The following TMPO variants were observed in gnomAD, a reference collection of about 807,000 sequenced individuals.
The protein encoded by TMPO is thymopoietin.
TMPO carries 22 observed loss-of-function variants against 45.4 expected under a neutral mutation model. The observed-to-expected ratio is 0.48, with a 90% CI of 0.35 to 0.69. TMPO has a LOEUF of 0.69. Ranked by LOEUF, TMPO falls within the 30% of genes least tolerant of loss-of-function variation. TMPO has a pLI of 0.01. For synonymous variants in TMPO, 241 were observed against 204.1 expected, an observed-to-expected ratio of 1.18 and a Z score of -1.54; for missense variants, 512 against 548.8, an observed-to-expected ratio of 0.93 and a Z score of 0.67.
chr12:98,523,527 G>A lies in TMPO; in HGVS notation c.280-4359G>A, dbSNP rs190184764. Among the ~76,000 whole-genome samples, 431 of 151,264 alleles carry A rather than the reference G, an allele frequency of 2.8e-3. 1 individual carries two copies. The highest frequency in any genetic ancestry group is 5.1e-3 in the Non-Finnish European group (344 of 67,864). Reference sequence around the variant, plus strand: ...ACTGCACTCTAGCCTGGGCAACAGAGTGAGACTCCATCTCAAAAAAAAAAA... The same window carrying A: ...ACTGCACTCTAGCCTGGGCAACAGAATGAGACTCCATCTCAAAAAAAAAAA... On this transcript the variant is annotated intron_variant, in intron 1 of 8. Coordinates refer to ENST00000556029, the MANE Select transcript of TMPO (RefSeq NM_001032283.3).
intron 3 of TMPO, among the ~76,000 whole-genome samples, chr12:98,536,564 G>A (rs1344324743): frequency 6.6e-6 from 1 of 152,104 alleles, no homozygotes; most frequent in East Asian, 1.9e-4. Context: ...ATGTTGGCCA[G>A]GATGGTCTTA....
intron 4 of TMPO, 42 bp downstream of exon 4, chr12:98,537,614 C>T (rs1877650562): frequency 6.3e-6 from 9 of 1,436,200 alleles, no homozygotes; most frequent in African/African-American, 1.4e-5. Flanking sequence ...GTATAAATAA[C>T]CTCCTGACAA....
chr12:98,545,903 T>A (rs1279064710), intron 7 of TMPO, among the ~76,000 whole-genome samples: 4 of 152,200 alleles, frequency 2.6e-5, no homozygotes, highest in African/African-American at 9.6e-5. Flanking sequence ...CAGCTAATTT[T>A]TGTATTTTTA....
Position 98,533,858 on chromosome 12 carries a change from C to T in TMPO, c.565+2020C>T, listed in dbSNP as rs754164409. 9 of 1,614,166 alleles carry T rather than the reference C, an allele frequency of 5.6e-6. No homozygotes were observed. In the South Asian group the frequency reaches 8.8e-5, roughly 16 times the overall value. On this transcript the variant is annotated intron_variant, in intron 3 of 8. Transcript: ENST00000556029. ...GAGGCAACACAGATATTATCAGTTCCAAAAGTAGATGATGAAATCCTAGGG... is the reference window on the plus strand; with the variant it reads ...GAGGCAACACAGATATTATCAGTTCTAAAAGTAGATGATGAAATCCTAGGG...
chr12:98,538,541 C>T (rs774116412), intron 4 of TMPO, among the ~76,000 whole-genome samples: 10 of 152,020 alleles, frequency 6.6e-5, no homozygotes, highest in South Asian at 2.1e-4. Context: ...TTAGTAGAGA[C>T]GGGGTTTCAC....
chr12:98,516,215 G>T, intron 1 of TMPO, 69 bp downstream of exon 1: 1 of 1,315,570 alleles, frequency 7.6e-7, no homozygotes, highest in Non-Finnish European at 9.6e-7. Flanking sequence ...GCCGCCGTTT[G>T]CAGCCCCTCC....
Position 98,529,054 on chromosome 12 carries a change from A to ATT in TMPO, c.406+1057_406+1058dup, listed in dbSNP as rs531249192. Among the ~76,000 whole-genome samples, 403 of 139,982 alleles carry ATT rather than the reference A, an allele frequency of 2.9e-3. 2 individuals are homozygous for ATT. The highest frequency in any genetic ancestry group is 7.3e-3 in the Middle Eastern group (2 of 274). The allele number at this position is 139,982 out of a possible 152,430, so 91.8% of individuals were successfully genotyped here. A position where few individuals can be genotyped will look rare whatever the true frequency, so the allele number is the denominator to read the frequency against. On this transcript the variant is annotated intron_variant, in intron 2 of 8. Coordinates refer to ENST00000556029, the MANE Select transcript of TMPO (RefSeq NM_001032283.3). The stretch of plus-strand genomic sequence containing the variant: ...TATTAAATTCCTAGCCTAGTACCCT[A>ATT]TTTTTTTTTTTTTTTTGAGACGGGG...
At position 98,527,882 on chromosome 12, in the gene TMPO, A is replaced by G. The variant is rs1363248068; in HGVS notation, c.280-4A>G. 2.5e-6 allele frequency: 4 copies of G among 1,613,644 alleles called. No homozygotes were observed. The highest frequency in any genetic ancestry group is 1.7e-4 in the Middle Eastern group (1 of 5,996). On this transcript the variant is annotated splice_region_variant and splice_polypyrimidine_tract_variant and intron_variant, in intron 1 of 8. Coordinates refer to ENST00000556029, the MANE Select transcript of TMPO (RefSeq NM_001032283.3). ...TGGAAATGATTACTGGACTTTGTTT[A>G]CAGAAAGCCACAAAAAAAACTGATA...
chr12:98,536,963 A>C (rs931052827), intron 3 of TMPO, among the ~76,000 whole-genome samples: 2 of 152,132 alleles, frequency 1.3e-5, no homozygotes, highest in Non-Finnish European at 2.9e-5. Context: ...TGTACTTATT[A>C]ATGTTATGGC....
Position 98,549,965 on chromosome 12 carries a change from A to T in TMPO, c.*2107A>T, listed in dbSNP as rs1390553329. On this transcript the variant is annotated 3_prime_UTR_variant, in exon 9 of 9. Coordinates refer to ENST00000556029, the MANE Select transcript of TMPO (RefSeq NM_001032283.3). ...GCCATAGAGGGGGCACCTTTTACTCAACTTTTCTTTGTTTTGAAACTTTGT... is the reference window on the plus strand; with the variant it reads ...GCCATAGAGGGGGCACCTTTTACTCTACTTTTCTTTGTTTTGAAACTTTGT... The T allele has an allele frequency of 1.3e-5, 2 of 152,188 alleles. No homozygotes were observed. Among genetic ancestry groups the T allele is most frequent in the African/African-American group, 4.8e-5 (2 of 41,442 alleles). The allele number at this position is 152,188 out of a possible 1,614,324, so 9.4% of individuals were successfully genotyped here.
At position 98,548,849 on chromosome 12, in the gene TMPO, G is replaced by A. The variant is rs572880195; in HGVS notation, c.*991G>A. 1.7e-4 allele frequency: 26 copies of A among 152,300 alleles called. No individual in the cohort carries two copies. The highest frequency in any genetic ancestry group is 5.8e-4 in the African/African-American group (24 of 41,556). The allele number at this position is 152,300 out of a possible 1,614,324, so 9.4% of individuals were successfully genotyped here. A position where few individuals can be genotyped will look rare whatever the true frequency, so the allele number is the denominator to read the frequency against. Reference sequence around the variant, plus strand: ...AGAAAGTACAAAAAGGGCCAGGCGCGGTGGCTTACGCCTGTAATCCCAGCA... The same window carrying A: ...AGAAAGTACAAAAAGGGCCAGGCGCAGTGGCTTACGCCTGTAATCCCAGCA... On this transcript the variant is annotated 3_prime_UTR_variant, in exon 9 of 9. Coordinates refer to ENST00000556029, the MANE Select transcript of TMPO (RefSeq NM_001032283.3).
intron 1 of TMPO, among the ~76,000 whole-genome samples, chr12:98,523,490 G>A (rs1876531276): frequency 6.6e-6 from 1 of 151,664 alleles, no homozygotes. Context: ...CCTGGGAGAT[G>A]GAGGGCATGC....
intron 1 of TMPO, chr12:98,516,540 C>G: frequency 9.7e-7 from 1 of 1,029,668 alleles, no homozygotes; most frequent in Non-Finnish European, 1.2e-6. Flanking sequence ...CGTTTTCCCG[C>G]TTTATTAACT....
chr12:98,527,698 A>G lies in TMPO; in HGVS notation c.280-188A>G, dbSNP rs73382597. On this transcript the variant is annotated intron_variant, in intron 1 of 8. Coordinates refer to ENST00000556029, the MANE Select transcript of TMPO (RefSeq NM_001032283.3). Reference sequence around the variant, plus strand: ...TTACTTGCTTGGCTGTGCGGTTTGTATGATTACAGTTCAACTTAGAAAGTG... The same window carrying G: ...TTACTTGCTTGGCTGTGCGGTTTGTGTGATTACAGTTCAACTTAGAAAGTG... 943 of 616,460 alleles carry G rather than the reference A, an allele frequency of 1.5e-3. 8 individuals are homozygous for G. The African/African-American group carries it at 0.016, about 10-fold the overall frequency. 38.2% of individuals were successfully genotyped at this position (616,460 alleles called of 1,614,324 possible).
intron 3 of TMPO, chr12:98,534,222 G>C: frequency 6.2e-7 from 1 of 1,613,924 alleles, no homozygotes; most frequent in Middle Eastern, 1.7e-4. Flanking sequence ...ACCTCTGGCT[G>C]AAGGATTGCA....
At chr12:98,526,715 T>G (rs1232853280) in intron 1 of TMPO, among the ~76,000 whole-genome samples, 1 of 152,128 alleles carries the variant, frequency 6.6e-6, no homozygotes, top group Non-Finnish European at 1.5e-5. Flanking sequence ...ATCCCAGCAC[T>G]TTGGGAGGCT....
intron 3 of TMPO, chr12:98,534,463 C>T: frequency 1.3e-6 from 2 of 1,540,020 alleles, no homozygotes; most frequent in South Asian, 2.4e-5. Flanking sequence ...TAAGCTTCTA[C>T]CCATCAAATT....
intron 4 of TMPO, among the ~76,000 whole-genome samples, chr12:98,540,966 CAT>C (rs1383928028): frequency 7.9e-5 from 12 of 152,236 alleles, no homozygotes; most frequent in South Asian, 6.2e-4. Context: ...CAGCCATTGT[CAT>C]ATGATTATTG....
intron 3 of TMPO, among the ~76,000 whole-genome samples, chr12:98,532,541 TA>T (rs2121200724): frequency 6.6e-6 from 1 of 152,352 alleles, no homozygotes; most frequent in African/African-American, 2.4e-5. Context: ...GATGTTTAAA[TA>T]TTTTTTAAGG....
Sources: gnomAD v4.1 joint callset for allele counts (sites outside exome capture counted in the v4.1 genomes callset) on GRCh38, gnomAD v4.1.1 for gene constraint, MANE v1.5 for transcripts, NCBI Gene and HGNC (gene_info 2026-07-23, HGNC 2026-07-21) for gene names.